CALD1: variants seen among roughly 807,000 people sequenced by gnomAD.
CALD1 encodes the protein caldesmon 1, also known as caldesmon.
CALD1 carries 33 observed loss-of-function variants against 99.9 expected under a neutral mutation model. The ratio of observed to expected loss-of-function variants is 0.33; its 90% confidence interval spans 0.25 to 0.44. The LOEUF (loss-of-function observed/expected upper bound fraction) is 0.44, where lower values mean the gene tolerates loss of function less well. CALD1 is among the 20% of genes least tolerant of loss of function. The pLI is 1.00. For synonymous variants in CALD1, 310 were observed against 325.0 expected, an observed-to-expected ratio of 0.95 and a Z score of 0.50; for missense variants, 861 against 962.1, an observed-to-expected ratio of 0.89 and a Z score of 1.39.
At chr7:134,876,852 A>G (rs1364478000) in intron 3 of CALD1, among the ~76,000 whole-genome samples, 1 of 152,222 alleles carries the variant, frequency 6.6e-6, no homozygotes, top group Non-Finnish European at 1.5e-5. Context: ...AGAGAAACTT[A>G]TATTTTACAT....
intron 3 of CALD1, among the ~76,000 whole-genome samples, chr7:134,887,018 A>C (rs1436399331): frequency 2.6e-5 from 4 of 152,214 alleles, no homozygotes; most frequent in Admixed American, 6.5e-5. Flanking sequence ...CATGCTCACC[A>C]TTATAAGGGC....
chr7:134,820,851 T>C (rs1386209085), intron 1 of CALD1, among the ~76,000 whole-genome samples: 1 of 152,204 alleles, frequency 6.6e-6, no homozygotes, highest in Non-Finnish European at 1.5e-5. Flanking sequence ...TCCATCATTT[T>C]AAAAGATTTT....
At chr7:134,894,849 CT>C (rs1388482175) in intron 3 of CALD1, among the ~76,000 whole-genome samples, 3 of 152,166 alleles carry the variant, frequency 2.0e-5, no homozygotes, top group African/African-American at 4.8e-5. Context: ...AGGAAGTTTA[CT>C]TGCAACAAGA....
chr7:134,782,829 C>G (rs932829913), intron 1 of CALD1, among the ~76,000 whole-genome samples: 1 of 152,262 alleles, frequency 6.6e-6, no homozygotes, highest in East Asian at 1.9e-4. Context: ...ATTTAAGGAC[C>G]CTTGAGTGAT....
intron 1 of CALD1, among the ~76,000 whole-genome samples, chr7:134,758,422 T>G (rs1796747905): frequency 6.6e-6 from 1 of 152,126 alleles, no homozygotes; most frequent in African/African-American, 2.4e-5. Context: ...ACATTTAAAC[T>G]TTAAGTGAAC....
intron 3 of CALD1, among the ~76,000 whole-genome samples, chr7:134,883,956 G>T (rs905497978): frequency 5.3e-5 from 8 of 152,192 alleles, no homozygotes; most frequent in African/African-American, 1.9e-4. Context: ...TACAAAATTA[G>T]CCGGGCATGG....
At chr7:134,835,671 T>C (rs1405299489) in intron 1 of CALD1, among the ~76,000 whole-genome samples, 3 of 152,114 alleles carry the variant, frequency 2.0e-5, no homozygotes, top group African/African-American at 4.8e-5. Context: ...TAGCCTGAAC[T>C]AGAATTTATT....
intron 9 of CALD1, among the ~76,000 whole-genome samples, chr7:134,956,134 AAG>A (rs1459479040): frequency 6.6e-6 from 1 of 152,136 alleles, no homozygotes; most frequent in Non-Finnish European, 1.5e-5. Flanking sequence ...TTTTTTAAGT[AAG>A]AGTTTGCTTT....
intron 3 of CALD1, among the ~76,000 whole-genome samples, chr7:134,870,428 A>G (rs1160630582): frequency 2.0e-5 from 3 of 152,208 alleles, no homozygotes; most frequent in Admixed American, 6.5e-5. Context: ...CAGTTTCTTC[A>G]GGTTCAGGAC....
Position 134,944,784 on chromosome 7 carries a change from T to C in CALD1, c.1533-2724T>C, listed in dbSNP as rs140587966. On this transcript the variant is annotated intron_variant, in intron 7 of 14. Coordinates refer to ENST00000361675, the MANE Select transcript of CALD1 (RefSeq NM_033138.4). ...AATGGCAAAGCTGTATCTCTGTCTCTTAAAGACTACTTATAACAAGGGCTT... is the reference window on the plus strand; with the variant it reads ...AATGGCAAAGCTGTATCTCTGTCTCCTAAAGACTACTTATAACAAGGGCTT... 4.3e-3 allele frequency among the ~76,000 whole-genome samples: 648 copies of C among 152,308 alleles called. 4 individuals are homozygous for C. The highest frequency in any genetic ancestry group is 0.015 in the African/African-American group (613 of 41,562).
chr7:134,841,798 T>G (rs1369354542), intron 1 of CALD1, among the ~76,000 whole-genome samples: 1 of 151,902 alleles, frequency 6.6e-6, no homozygotes, highest in Non-Finnish European at 1.5e-5. Context: ...AACAGACATA[T>G]GAGCCTGAAT....
intron 3 of CALD1, 130 bp from the exon 4 acceptor site, chr7:134,928,624 A>G: frequency 1.3e-6 from 1 of 778,114 alleles, no homozygotes; most frequent in Non-Finnish European, 2.0e-6. Flanking sequence ...GAACTGAACC[A>G]TCCTTTTAGA....
At chr7:134,756,694 A>G (rs1171998028) in intron 1 of CALD1, among the ~76,000 whole-genome samples, 1 of 152,162 alleles carries the variant, frequency 6.6e-6, no homozygotes, top group Non-Finnish European at 1.5e-5. Flanking sequence ...GAAGCAGCCA[A>G]CTTGATTTTA....
chr7:134,965,834 CCAAA>C (rs1362400685), intron 14 of CALD1, among the ~76,000 whole-genome samples: 57 of 82,078 alleles, frequency 6.9e-4, no homozygotes, highest in Admixed American at 8.2e-4. Context: ...GTTGCTATGG[CCAAA>C]AAAAAAAAAA....
intron 1 of CALD1, among the ~76,000 whole-genome samples, chr7:134,769,558 A>G (rs1051753241): frequency 6.6e-6 from 1 of 151,734 alleles, no homozygotes; most frequent in African/African-American, 2.4e-5. Flanking sequence ...TCCTATGCCT[A>G]TTTTTTATTG....
chr7:134,857,942 A>G (rs1800387258), intron 2 of CALD1, among the ~76,000 whole-genome samples: 1 of 152,292 alleles, frequency 6.6e-6, no homozygotes, highest in East Asian at 1.9e-4. Context: ...CAGCACTATA[A>G]ATGGATTTGC....
At chr7:134,816,831 T>C (rs1305656835) in intron 1 of CALD1, among the ~76,000 whole-genome samples, 1 of 152,230 alleles carries the variant, frequency 6.6e-6, no homozygotes, top group Non-Finnish European at 1.5e-5. Context: ...TAGGTGAGAC[T>C]CTACTGTGTC....
chr7:134,794,781 T>C (rs1797685095), intron 1 of CALD1, among the ~76,000 whole-genome samples: 1 of 152,238 alleles, frequency 6.6e-6, no homozygotes, highest in Non-Finnish European at 1.5e-5. Context: ...CAGCCTGCTA[T>C]AAGTCTAACA....
intron 9 of CALD1, among the ~76,000 whole-genome samples, chr7:134,953,163 T>G (rs907005291): frequency 2.6e-5 from 4 of 152,218 alleles, no homozygotes; most frequent in Non-Finnish European, 5.9e-5. Context: ...TTGATTTTTT[T>G]TTAACCGTTT....
Sources: gnomAD v4.1 joint callset for allele counts (sites outside exome capture counted in the v4.1 genomes callset) on GRCh38, gnomAD v4.1.1 for gene constraint, MANE v1.5 for transcripts, NCBI Gene and HGNC (gene_info 2026-07-23, HGNC 2026-07-21) for gene names.